The following SEMA5A variants were observed in gnomAD, a reference collection of about 807,000 sequenced individuals.
The protein encoded by SEMA5A is semaphorin 5A.
SEMA5A carries 55 observed loss-of-function variants against 135.5 expected under a neutral mutation model. That is an observed-to-expected ratio of 0.41 (90% CI 0.33 to 0.51). The LOEUF (loss-of-function observed/expected upper bound fraction) is 0.51, where lower values mean the gene tolerates loss of function less well. Ranked by LOEUF, SEMA5A falls within the 20% of genes least tolerant of loss-of-function variation. The probability of loss-of-function intolerance (pLI) is 0.37; values close to 1 mark genes in which losing one functional copy is unlikely to be tolerated. For synonymous variants in SEMA5A, 580 were observed against 546.5 expected (o/e 1.06, Z -0.85); for missense variants, 1,290 against 1,419.9 (o/e 0.91, Z 1.47).
At chr5:9,459,176 G>A (rs1561270348) in intron 1 of SEMA5A, among the ~76,000 whole-genome samples, 3 of 152,134 alleles carry the variant, frequency 2.0e-5, no homozygotes, top group Admixed American at 6.5e-5. Context: ...TTCCTGGAAA[G>A]CCTTTGAGGG....
At chr5:9,384,484 G>C (rs758604017) in intron 2 of SEMA5A, among the ~76,000 whole-genome samples, 48 of 151,820 alleles carry the variant, frequency 3.2e-4, no homozygotes, top group Non-Finnish European at 6.6e-4. Context: ...AACCAAAATT[G>C]TCTCTAGACA....
chr5:9,278,862 T>C (rs115096032), intron 5 of SEMA5A, among the ~76,000 whole-genome samples: 1,556 of 152,336 alleles, frequency 0.01, 28 homozygotes, highest in African/African-American at 0.036. Context: ...AGAAGATGTA[T>C]GTAAACACCT....
intron 1 of SEMA5A, among the ~76,000 whole-genome samples, chr5:9,447,209 A>G (rs1758465175): frequency 6.6e-6 from 1 of 152,240 alleles, no homozygotes; most frequent in Non-Finnish European, 1.5e-5. Flanking sequence ...GAAGATTAGT[A>G]TAAACCCGTG....
intron 11 of SEMA5A, among the ~76,000 whole-genome samples, chr5:9,188,821 A>G (rs542310707): frequency 1.0e-5 from 1 of 100,364 alleles, no homozygotes; most frequent in East Asian, 5.9e-4. Context: ...CCTTTCCTTG[A>G]CCTCCCATCC....
At chr5:9,130,247 C>T (rs750599484) in intron 13 of SEMA5A, among the ~76,000 whole-genome samples, 13 of 152,098 alleles carry the variant, frequency 8.5e-5, no homozygotes, top group South Asian at 2.1e-4. Flanking sequence ...ATTCCAACCA[C>T]TATTGTTTCA....
intron 13 of SEMA5A, among the ~76,000 whole-genome samples, chr5:9,127,215 C>T (rs934116169): frequency 3.9e-5 from 6 of 152,194 alleles, no homozygotes; most frequent in Non-Finnish European, 4.4e-5. Flanking sequence ...ACTTCTAATT[C>T]TGCAAAGGCT....
At chr5:9,153,854 T>C (rs1742772431) in intron 12 of SEMA5A, among the ~76,000 whole-genome samples, 1 of 151,460 alleles carries the variant, frequency 6.6e-6, no homozygotes, top group Non-Finnish European at 1.5e-5. Context: ...AAGACCAGCC[T>C]GGCCAACATG....
intron 5 of SEMA5A, among the ~76,000 whole-genome samples, chr5:9,245,954 C>A (rs1280133554): frequency 2.0e-5 from 3 of 151,926 alleles, no homozygotes; most frequent in Non-Finnish European, 2.9e-5. Context: ...CACGAATGAA[C>A]CCTGCTGGGA....
At position 9,170,432 on chromosome 5, in the gene SEMA5A, A is replaced by C. The variant is rs114523051; in HGVS notation, c.1274-15737T>G. On this transcript the variant is annotated intron_variant, in intron 11 of 22. Coordinates refer to ENST00000382496, the MANE Select transcript of SEMA5A (RefSeq NM_003966.3). ...TGCAAATATATTAAGTCTACATTAA[A>C]AAATGAGAGACAGGACATGCATATT... Among the ~76,000 whole-genome samples the C allele has an allele frequency of 3.6e-3, 551 of 152,266 alleles. 1 individual carries two copies. Among genetic ancestry groups the C allele is most frequent in the African/African-American group, 0.012 (500 of 41,550 alleles).
rs1447640489 is a variant in SEMA5A at position 9,119,051 on chromosome 5, G to A, written c.1872C>T (p.Asn624=). 3 of 1,613,556 alleles carry A rather than the reference G, an allele frequency of 1.9e-6. No individual in the cohort carries two copies. The African/African-American group carries it at 4.0e-5, about 22-fold the overall frequency. ...CCCGGCCCCCGTGCCTGGGAGTGGG[G>A]TTGCTGCAGGAGCGCTGCCGCACCT... ...GFQVRQRSCS[N]PTPRHGGRVC... The change falls in exon 15 of 23, where the codon AAC becomes AAT. Residue 624 remains asparagine (N), a synonymous_variant. Coordinates refer to ENST00000382496, the MANE Select transcript of SEMA5A (RefSeq NM_003966.3).
At chr5:9,240,161 T>A (rs1748121207) in intron 5 of SEMA5A, among the ~76,000 whole-genome samples, 1 of 151,998 alleles carries the variant, frequency 6.6e-6, no homozygotes, top group African/African-American at 2.4e-5. Context: ...CAATAATAAA[T>A]ATGACAAATC....
chr5:9,211,296 T>C (rs1471101981), intron 8 of SEMA5A, among the ~76,000 whole-genome samples: 1 of 152,174 alleles, frequency 6.6e-6, no homozygotes, highest in African/African-American at 2.4e-5. Flanking sequence ...CTGCTGACTA[T>C]GCAGTCTTGA....
intron 3 of SEMA5A, among the ~76,000 whole-genome samples, chr5:9,356,499 A>G (rs976725200): frequency 1.3e-5 from 2 of 152,164 alleles, no homozygotes; most frequent in Non-Finnish European, 2.9e-5. Context: ...AAAAAAGAAA[A>G]GGCTGCACAC....
chr5:9,308,369 G>A (rs180809256), intron 5 of SEMA5A, among the ~76,000 whole-genome samples: 2 of 152,026 alleles, frequency 1.3e-5, no homozygotes, highest in Non-Finnish European at 2.9e-5. Context: ...GTTATAAATC[G>A]CCACAGCCCT....
intron 3 of SEMA5A, among the ~76,000 whole-genome samples, chr5:9,365,350 G>A (rs1030160507): frequency 6.6e-6 from 1 of 152,066 alleles, no homozygotes; most frequent in East Asian, 1.9e-4. Context: ...CTAGATTAAT[G>A]CAAAAATCCA....
At chr5:9,426,829 AAAAC>A (rs1757678920) in intron 2 of SEMA5A, among the ~76,000 whole-genome samples, 1 of 152,242 alleles carries the variant, frequency 6.6e-6, no homozygotes, top group Non-Finnish European at 1.5e-5. Flanking sequence ...TCAAAGTTAG[AAAAC>A]AAACAAAACA....
At chr5:9,236,428 G>A (rs890797924) in intron 6 of SEMA5A, among the ~76,000 whole-genome samples, 15 of 152,274 alleles carry the variant, frequency 9.9e-5, no homozygotes, top group Middle Eastern at 3.4e-3. Flanking sequence ...AAGTGGGGCC[G>A]AGGGCCGAGC....
chr5:9,329,801 G>A (rs768989778), intron 4 of SEMA5A, among the ~76,000 whole-genome samples: 21 of 152,198 alleles, frequency 1.4e-4, no homozygotes, highest in Non-Finnish European at 2.6e-4. Context: ...AGACCACCTC[G>A]AGTGCCAAAA....
chr5:9,443,315 CA>C lies in SEMA5A; in HGVS notation c.-174-5464del, dbSNP rs574432733. Among the ~76,000 whole-genome samples the C allele has an allele frequency of 1.5e-4, 23 of 150,680 alleles. No individual in the cohort carries two copies. The East Asian group carries it at 3.9e-3, about 26-fold the overall frequency. On this transcript the variant is annotated intron_variant, in intron 1 of 22. Coordinates refer to ENST00000382496, the MANE Select transcript of SEMA5A (RefSeq NM_003966.3). The stretch of plus-strand genomic sequence containing the variant: ...AGGAACAGAGAACAAGGCTTTGAGG[CA>C]AAAGTTATAGGGAAGAAAGCAGAGA...
Sources: gnomAD v4.1 joint callset for allele counts (sites outside exome capture counted in the v4.1 genomes callset) on GRCh38, gnomAD v4.1.1 for gene constraint, MANE v1.5 for transcripts, NCBI Gene and HGNC (gene_info 2026-07-23, HGNC 2026-07-21) for gene names.